MDN1: variants seen among roughly 807,000 people sequenced by gnomAD.
MDN1 encodes the protein midasin AAA ATPase 1.
A neutral mutation model predicts 669.2 loss-of-function variants in MDN1; 266 were observed. That is an observed-to-expected ratio of 0.40 (90% CI 0.36 to 0.44). The LOEUF is 0.44. Ranked by LOEUF, MDN1 falls within the 20% of genes least tolerant of loss-of-function variation. The probability of loss-of-function intolerance (pLI) is 1.00; values close to 1 mark genes in which losing one functional copy is unlikely to be tolerated. For synonymous variants in MDN1, 2,385 were observed against 2,457.1 expected (o/e 0.97, Z 0.87); for missense variants, 5,940 against 6,754.0 (o/e 0.88, Z 4.22).
At chr6:89,804,320 T>C (rs1767873739) in intron 1 of MDN1, among the ~76,000 whole-genome samples, 1 of 152,192 alleles carries the variant, frequency 6.6e-6, no homozygotes, top group Non-Finnish European at 1.5e-5. Context: ...GAGATTCTAT[T>C]ATAAAATATC....
rs1178710207 is a variant in MDN1, at chr6:89,674,370, C to A, written c.12981G>T (p.Gly4327=). ...CTTCCAGGCAGGGGCCAGGAGGCTGCCCCAGTACCTGGACATTGCCATGGC... is the reference window on the plus strand; with the variant it reads ...CTTCCAGGCAGGGGCCAGGAGGCTGACCCAGTACCTGGACATTGCCATGGC... ...APGHGNVQVL[G]QPPGPCLEGP... Residue 4327 remains glycine, a synonymous_variant, in exon 79 of 102, where the codon GGG becomes GGT. Coordinates refer to ENST00000369393, the MANE Select transcript of MDN1 (RefSeq NM_014611.3). 1.1e-5 allele frequency: 17 copies of A among 1,614,082 alleles called. No homozygotes were observed. Among genetic ancestry groups the A allele is most frequent in the Non-Finnish European group, 1.4e-5 (16 of 1,180,038 alleles).
Position 89,771,607 on chromosome 6 carries a change from C to T in MDN1, c.2098G>A (p.Val700Ile), listed in dbSNP as rs752041252. The T allele has an allele frequency of 2.5e-6, 4 of 1,613,984 alleles. No individual in the cohort carries two copies. Among genetic ancestry groups the T allele is most frequent in the Admixed American group, 1.7e-5 (1 of 59,992 alleles). ...LAHITGHRLR[V>I]VNMNQQSDTA... ...TCACTTTGTTGATTCATATTGACAA[C>T]CCTCAAACGGTGGCCTTTTATAAAG... Residue 700 changes from valine (V) to isoleucine (I), a missense_variant, in exon 15 of 102, where the codon GTT (valine) becomes ATT (isoleucine). This residue lies in a region of MDN1 where 1,203 missense variants were observed against 1,268.9 expected (regional missense o/e 0.95). Transcript: ENST00000369393.
intron 1 of MDN1, among the ~76,000 whole-genome samples, chr6:89,813,692 C>T (rs964553725): frequency 1.3e-5 from 2 of 151,890 alleles, no homozygotes; most frequent in South Asian, 2.1e-4. Context: ...GATCACTGTA[C>T]GCTAGCCCAG....
chr6:89,769,448 A>G (rs375493588), intron 15 of MDN1, among the ~76,000 whole-genome samples: 282 of 152,314 alleles, frequency 1.9e-3, no homozygotes, highest in Middle Eastern at 6.8e-3. Flanking sequence ...TCAACACTTC[A>G]GGAGGCTGAA....
chr6:89,805,958 G>C (rs1554201614), intron 1 of MDN1, among the ~76,000 whole-genome samples: 1 of 151,426 alleles, frequency 6.6e-6, no homozygotes, highest in African/African-American at 2.4e-5. Flanking sequence ...TTTCTTTTGA[G>C]ACAAGGTCTT....
intron 82 of MDN1, among the ~76,000 whole-genome samples, chr6:89,671,330 T>G (rs1810741208): frequency 1.3e-5 from 2 of 152,212 alleles, no homozygotes; most frequent in South Asian, 4.1e-4. Context: ...CTAACAATGT[T>G]GGTTTTTTAA....
intron 76 of MDN1, among the ~76,000 whole-genome samples, chr6:89,677,091 A>AT (rs1322383657): frequency 1.3e-5 from 2 of 151,806 alleles, no homozygotes; most frequent in Admixed American, 1.3e-4. Context: ...AAGAAAATAA[A>AT]TGTTTTTTTT....
intron 60 of MDN1, 67 bp downstream of exon 60, chr6:89,696,293 G>C (rs1346377763): frequency 1.3e-6 from 2 of 1,493,398 alleles, no homozygotes; most frequent in African/African-American, 2.8e-5. Context: ...GTTCTCACTG[G>C]GTCTCTGCTC....
At chr6:89,752,398 CG>C (rs1562180827) in intron 22 of MDN1, among the ~76,000 whole-genome samples, 1 of 151,916 alleles carries the variant, frequency 6.6e-6, no homozygotes, top group African/African-American at 2.4e-5. Flanking sequence ...TACAATTTAC[CG>C]AAAGTATTTA....
At chr6:89,782,106 T>C (rs1046771629) in intron 9 of MDN1, among the ~76,000 whole-genome samples, 24 of 152,228 alleles carry the variant, frequency 1.6e-4, no homozygotes, top group Admixed American at 6.5e-5. Context: ...ATTTTCTTCC[T>C]ACCCAGAACT....
Position 89,772,803 on chromosome 6 carries a change from TCAA to T in MDN1, c.1935-85_1935-83del, listed in dbSNP as rs1205221177. ...CTCTGGGAAACCATATATTCCAGAT[TCAA>T]CAACAAGGATGAGAAAACAGCTCAC... On this transcript the variant is annotated intron_variant, in intron 13 of 101. Coordinates refer to ENST00000369393, the MANE Select transcript of MDN1 (RefSeq NM_014611.3). 23 of 1,466,448 alleles carry T rather than the reference TCAA, an allele frequency of 1.6e-5. No homozygotes were observed. The African/African-American group carries it at 2.9e-4, about 19-fold the overall frequency. The allele number at this position is 1,466,448 out of a possible 1,614,324, so 90.8% of individuals were successfully genotyped here.
chr6:89,687,165 T>A, intron 68 of MDN1, 142 bp from the exon 69 acceptor site: 1 of 1,314,814 alleles, frequency 7.6e-7, no homozygotes, highest in Non-Finnish European at 1.0e-6. Context: ...CTCAAGAATA[T>A]ATGCTGTTGT....
Position 89,753,431 on chromosome 6 carries a change from A to G in MDN1, c.3075+81T>C, listed in dbSNP as rs11363597. ...ACCTTTATAATTAAAAAGTTATGTGAAAAAAAAAAAACCAAACAGCTGAAA... is the reference window on the plus strand; with the variant it reads ...ACCTTTATAATTAAAAAGTTATGTGGAAAAAAAAAAACCAAACAGCTGAAA... On this transcript the variant is annotated intron_variant, in intron 22 of 101. Transcript: ENST00000369393. 489 of 151,598 alleles carry G rather than the reference A, an allele frequency of 3.2e-3. No homozygotes were observed. The East Asian group carries it at 0.089, about 28-fold the overall frequency. 9.4% of individuals were successfully genotyped at this position (151,598 alleles called of 1,614,324 possible). A position where few individuals can be genotyped will look rare whatever the true frequency, so the allele number is the denominator to read the frequency against.
chr6:89,780,082 A>C (rs1818586251), intron 11 of MDN1, 130 bp downstream of exon 11: 1 of 555,978 alleles, frequency 1.8e-6, no homozygotes, highest in East Asian at 3.3e-5. Context: ...AAAAAAAAAC[A>C]AAAAAAGAAT....
intron 18 of MDN1, 152 bp from the exon 19 acceptor site, chr6:89,758,503 C>T: frequency 1.5e-6 from 1 of 675,274 alleles, no homozygotes; most frequent in African/African-American, 1.8e-5. Flanking sequence ...TGTATTCAAT[C>T]TAATCTTATA....
chr6:89,700,517 T>TATAA (rs147371258), intron 56 of MDN1, 129 bp downstream of exon 56: 35,490 of 858,100 alleles, frequency 0.041, 1,121 homozygotes, highest in South Asian at 0.12. Flanking sequence ...CTGACACTTA[T>TATAA]ATAAAGGTAT....
Position 89,687,395 on chromosome 6 carries a change from T to C in MDN1, c.11399A>G (p.His3800Arg). ...GATCATCTGACTGATCAAATCAAGA[T>C]GTTTCCGCAAAGACAAAGCTCGACT... ...NASRALSLRK[H>R]LDLISQMIIR... The change falls in exon 68 of 102, where the codon CAT (histidine) becomes CGT (arginine). Residue 3800 changes from histidine to arginine, a missense_variant. His to Arg is a conservative substitution (Grantham distance 29). Around this residue, in one of 5 missense-constraint regions of MDN1, gnomAD observed 2,280 missense variants for 2,576.3 expected, o/e 0.88. Coordinates refer to ENST00000369393, the MANE Select transcript of MDN1 (RefSeq NM_014611.3). 3.1e-6 allele frequency: 5 copies of C among 1,614,136 alleles called. No individual in the cohort carries two copies. The highest frequency in any genetic ancestry group is 4.2e-6 in the Non-Finnish European group (5 of 1,180,016).
In MDN1 at chr6:89,778,887, AAAATAAATAAAT is replaced by A. The variant is rs548314772; in HGVS notation, c.1725+1313_1725+1324del. 2.1e-3 allele frequency among the ~76,000 whole-genome samples: 279 copies of A among 130,344 alleles called. 1 individual carries two copies. The highest frequency in any genetic ancestry group is 7.8e-3 in the African/African-American group (274 of 35,054). 85.5% of individuals were successfully genotyped at this position (130,344 alleles called of 152,430 possible). A position where few individuals can be genotyped will look rare whatever the true frequency, so the allele number is the denominator to read the frequency against. On this transcript the variant is annotated intron_variant, in intron 11 of 101. Coordinates refer to ENST00000369393, the MANE Select transcript of MDN1 (RefSeq NM_014611.3). Reference sequence around the variant, plus strand: ...GGTAATAGAGCGAGACTATGTCTCAAAAATAAATAAATAAATAAATAAATAAATAAATAAATA... The same window carrying A: ...GGTAATAGAGCGAGACTATGTCTCAAAAATAAATAAATAAATAAATAAATA...
chr6:89,650,751 T>C lies in MDN1; in HGVS notation c.16012A>G (p.Thr5338Ala), dbSNP rs769960745. 1.2e-6 allele frequency: 2 copies of C among 1,613,946 alleles called. No homozygotes were observed. The highest frequency in any genetic ancestry group is 3.3e-5 in the Admixed American group (2 of 60,020). ...ACTTACTTCAGCTTGGCTGCCTGGGTAGGCTCTAATATGAGACGAAGCTCT... is the reference window on the plus strand; with the variant it reads ...ACTTACTTCAGCTTGGCTGCCTGGGCAGGCTCTAATATGAGACGAAGCTCT... ...CEELRLILEP[T>A]QAAKLKGDYR... The change falls in exon 96 of 102, where the codon ACC becomes GCC. Residue 5338 changes from threonine to alanine, a missense_variant. By Grantham distance (58) the Thr-to-Ala change is moderately conservative. Coordinates refer to ENST00000369393, the MANE Select transcript of MDN1 (RefSeq NM_014611.3).
Sources: gnomAD v4.1 joint callset for allele counts (sites outside exome capture counted in the v4.1 genomes callset) on GRCh38, gnomAD v4.1.1 for gene constraint, gnomAD v4.1.1 regional missense constraint, MANE v1.5 for transcripts, NCBI Gene and HGNC (gene_info 2026-07-23, HGNC 2026-07-21) for gene names.